Variants in SORCS3 observed in about 807,000 individuals in gnomAD.
The protein encoded by SORCS3 is VPS10 domain-containing receptor SorCS3.
SORCS3 carries 57 observed loss-of-function variants against 146.3 expected under a neutral mutation model. That is an observed-to-expected ratio of 0.39 (90% CI 0.31 to 0.49). SORCS3 has a LOEUF of 0.49. Ranked by LOEUF, SORCS3 falls within the 20% of genes least tolerant of loss-of-function variation. The probability of loss-of-function intolerance (pLI) is 0.92; values close to 1 mark genes in which losing one functional copy is unlikely to be tolerated. For missense variants in SORCS3, 1,341 were observed against 1,575.5 expected (o/e 0.85, Z 2.52); for synonymous variants, 653 against 618.5 (o/e 1.06, Z -0.83).
intron 21 of SORCS3, among the ~76,000 whole-genome samples, chr10:105,245,873 G>A (rs1371653975): frequency 1.3e-5 from 2 of 152,158 alleles, no homozygotes; most frequent in East Asian, 1.9e-4. Flanking sequence ...TGTCCCCTGT[G>A]TTATGTCTGC....
intron 1 of SORCS3, among the ~76,000 whole-genome samples, chr10:104,755,002 G>C (rs1306600816): frequency 6.6e-6 from 1 of 152,206 alleles, no homozygotes; most frequent in Non-Finnish European, 1.5e-5. Flanking sequence ...ATTAGAAAAG[G>C]TGCAATTGAA....
At chr10:104,772,757 G>A (rs1314278541) in intron 1 of SORCS3, among the ~76,000 whole-genome samples, 2 of 152,146 alleles carry the variant, frequency 1.3e-5, no homozygotes, top group Non-Finnish European at 2.9e-5. Context: ...TGAAGACTCA[G>A]ATTCTCACCT....
intron 14 of SORCS3, among the ~76,000 whole-genome samples, chr10:105,186,511 T>TGA (rs34243290): frequency 0.24 from 36,412 of 152,054 alleles, 4,320 homozygotes; most frequent in South Asian, 0.31. Context: ...AGTAGGAAAC[T>TGA]GAGAAATGTC....
chr10:105,129,637 A>ATCTT (rs2056003469), intron 7 of SORCS3, among the ~76,000 whole-genome samples: 1 of 149,718 alleles, frequency 6.7e-6, no homozygotes, highest in East Asian at 2.0e-4. Context: ...TTCTGCCCTT[A>ATCTT]TCTTTGCTTT....
In SORCS3 at chr10:104,954,009, T is replaced by C. The variant is rs116998685; in HGVS notation, c.796-23326T>C. ...TCTGTATTGGGCAAGGCCAGGAAAATTGGGGGACTCTTGGTCACATGGGAA... is the reference window on the plus strand; with the variant it reads ...TCTGTATTGGGCAAGGCCAGGAAAACTGGGGGACTCTTGGTCACATGGGAA... On this transcript the variant is annotated intron_variant, in intron 3 of 26. Transcript: ENST00000369701. Among the ~76,000 whole-genome samples the C allele has an allele frequency of 5.5e-4, 83 of 152,084 alleles. 4 individuals carry two copies. The East Asian group carries it at 0.011, about 21-fold the overall frequency.
At chr10:104,696,268 T>C (rs1401787339) in intron 1 of SORCS3, among the ~76,000 whole-genome samples, 2 of 120,270 alleles carry the variant, frequency 1.7e-5, no homozygotes, top group Non-Finnish European at 3.1e-5. Context: ...ATATATCATA[T>C]ACACATATGA....
At chr10:104,715,140 G>T (rs555455959) in intron 1 of SORCS3, among the ~76,000 whole-genome samples, 2 of 152,262 alleles carry the variant, frequency 1.3e-5, no homozygotes, top group East Asian at 1.9e-4. Flanking sequence ...TGCCCAGATA[G>T]CTGGGAAAAC....
chr10:104,808,340 A>G (rs941052037), intron 1 of SORCS3, among the ~76,000 whole-genome samples: 1 of 152,172 alleles, frequency 6.6e-6, no homozygotes, highest in African/African-American at 2.4e-5. Flanking sequence ...TTCAAATAGT[A>G]AACAAGAAAA....
intron 8 of SORCS3, among the ~76,000 whole-genome samples, chr10:105,143,048 C>G (rs1403715761): frequency 1.3e-5 from 2 of 152,148 alleles, no homozygotes; most frequent in Non-Finnish European, 2.9e-5. Flanking sequence ...TCCCTATTCT[C>G]TCTTCAACCT....
chr10:105,167,497 A>G, intron 13 of SORCS3, 148 bp downstream of exon 13: 1 of 611,836 alleles, frequency 1.6e-6, no homozygotes, highest in East Asian at 2.9e-5. Flanking sequence ...TAGCCTTTAC[A>G]TCATCTAACT....
intron 2 of SORCS3, among the ~76,000 whole-genome samples, chr10:104,867,851 A>T (rs1365415418): frequency 1.3e-5 from 2 of 152,252 alleles, no homozygotes; most frequent in African/African-American, 2.4e-5. Flanking sequence ...GTACAGAGAT[A>T]TCTGTGTAAA....
In SORCS3 at chr10:105,169,521, GAGAGGCAAGCC is replaced by G. The variant is rs529467859; in HGVS notation, c.1901+2175_1901+2185del. Among the ~76,000 whole-genome samples, 8 of 152,150 alleles carry G rather than the reference GAGAGGCAAGCC, an allele frequency of 5.3e-5. No individual in the cohort carries two copies. In the East Asian group the frequency reaches 1.6e-3, roughly 30 times the overall value. On this transcript the variant is annotated intron_variant, in intron 13 of 26. Coordinates refer to ENST00000369701, the MANE Select transcript of SORCS3 (RefSeq NM_014978.3). The stretch of plus-strand genomic sequence containing the variant: ...GGATACTAGGATTTACAGGAGAGGT[GAGAGGCAAGCC>G]AGGGAAAGAAGAAACTTTGACCGAA...
At chr10:104,958,425 G>T (rs1420787873) in intron 3 of SORCS3, among the ~76,000 whole-genome samples, 2 of 152,158 alleles carry the variant, frequency 1.3e-5, no homozygotes, top group Admixed American at 1.3e-4. Context: ...TATGGCAAGA[G>T]GGAATTAAAG....
chr10:105,096,943 G>T (rs893415025), intron 6 of SORCS3, among the ~76,000 whole-genome samples: 6 of 152,124 alleles, frequency 3.9e-5, no homozygotes, highest in African/African-American at 1.4e-4. Context: ...ACATATAAAT[G>T]AACTTCACTT....
At chr10:104,894,718 TG>T (rs1232904299) in intron 2 of SORCS3, among the ~76,000 whole-genome samples, 1 of 152,168 alleles carries the variant, frequency 6.6e-6, no homozygotes, top group East Asian at 1.9e-4. Flanking sequence ...ATGATTCGAA[TG>T]TTTTGGACCA....
At chr10:104,853,738 C>T (rs189696961) in intron 2 of SORCS3, among the ~76,000 whole-genome samples, 175 of 152,246 alleles carry the variant, frequency 1.1e-3, no homozygotes, top group Admixed American at 7.8e-3. Flanking sequence ...AGCAGCAGGG[C>T]GGCACATGGT....
chr10:104,878,363 A>T (rs903830230), intron 2 of SORCS3, among the ~76,000 whole-genome samples: 1 of 152,180 alleles, frequency 6.6e-6, no homozygotes. Context: ...AGGTGCTATG[A>T]TGAGCAAAGG....
At chr10:104,977,099 A>C (rs1436956363) in intron 3 of SORCS3, among the ~76,000 whole-genome samples, 1 of 152,108 alleles carries the variant, frequency 6.6e-6, no homozygotes, top group African/African-American at 2.4e-5. Context: ...AAAGATGGAC[A>C]TCAAAAATGA....
At chr10:105,067,528 A>G (rs2055530299) in intron 5 of SORCS3, among the ~76,000 whole-genome samples, 1 of 152,256 alleles carries the variant, frequency 6.6e-6, no homozygotes, top group Non-Finnish European at 1.5e-5. Flanking sequence ...CTCCGTCTCA[A>G]ATAAATAATA....
Sources: gnomAD v4.1 joint callset for allele counts (sites outside exome capture counted in the v4.1 genomes callset) on GRCh38, gnomAD v4.1.1 for gene constraint, MANE v1.5 for transcripts, NCBI Gene and HGNC (gene_info 2026-07-23, HGNC 2026-07-21) for gene names.